Variants in DHRS12 observed in about 807,000 individuals in gnomAD.
DHRS12 encodes the protein dehydrogenase/reductase 12, also known as dehydrogenase/reductase SDR family member 12.
Under a neutral mutation model 32.1 loss-of-function variants are expected in DHRS12, and 29 were observed. The ratio of observed to expected loss-of-function variants is 0.90; its 90% CI spans 0.67 to 1.23. DHRS12 has a LOEUF of 1.23. Ranked by LOEUF, DHRS12 falls within the 50% of genes most tolerant of loss-of-function variation. The pLI is 0.00. For missense variants in DHRS12, 330 were observed against 337.2 expected (o/e 0.98, Z 0.17); for synonymous variants, 150 against 135.9 (o/e 1.10, Z -0.72).
intron 4 of DHRS12, among the ~76,000 whole-genome samples, chr13:51,787,723 CAT>C (rs1421888398): frequency 2.3e-4 from 29 of 128,646 alleles, no homozygotes; most frequent in East Asian, 1.1e-3. Context: ...TTATATAAAA[CAT>C]ATATACATAT....
chr13:51,783,161 A>G (rs1012931561), intron 4 of DHRS12, among the ~76,000 whole-genome samples: 3 of 152,138 alleles, frequency 2.0e-5, no homozygotes, highest in African/African-American at 7.2e-5. Context: ...GAGCTTGTCC[A>G]TTCTCTCTCC....
Position 51,791,187 on chromosome 13 carries a change from T to C in DHRS12, c.197A>G (p.Gln66Arg), listed in dbSNP as rs200561349. The change falls in exon 3 of 9, where the codon CAG becomes CGG. Residue 66 changes from glutamine to arginine, a missense_variant. Coordinates refer to ENST00000444610, the MANE Select transcript of DHRS12 (RefSeq NM_001377533.1). ...QIWKFVENFK[Q>R]EHKLHVLINN... is the part of the protein sequence containing the mutation. ...CACCAGAACATGGAGTTTATGTTCCTGCTTGAAATTTTCAACAAATTTCCA... is the reference window on the plus strand; with the variant it reads ...CACCAGAACATGGAGTTTATGTTCCCGCTTGAAATTTTCAACAAATTTCCA... 1.9e-4 allele frequency: 302 copies of C among 1,584,330 alleles called. 3 individuals are homozygous for C. The East Asian group carries it at 6.3e-3, about 33-fold the overall frequency.
chr13:51,792,408 CT>C (rs2139316252), intron 2 of DHRS12, among the ~76,000 whole-genome samples: 1 of 150,656 alleles, frequency 6.6e-6, no homozygotes, highest in South Asian at 2.1e-4. Context: ...TTTGTTTTTT[CT>C]TGAGAAAAAG....
At chr13:51,801,540 G>C (rs1458688699) in intron 1 of DHRS12, among the ~76,000 whole-genome samples, 1 of 152,128 alleles carries the variant, frequency 6.6e-6, no homozygotes, top group East Asian at 1.9e-4. Context: ...GTTCACACTT[G>C]AGCTCATTTG....
Position 51,771,825 on chromosome 13 carries a change from G to A in DHRS12, c.555C>T (p.Thr185=), listed in dbSNP as rs541093323. 1.1e-5 allele frequency: 18 copies of A among 1,614,104 alleles called. No individual in the cohort carries two copies. Among genetic ancestry groups the A allele is most frequent in the South Asian group, 5.5e-5 (5 of 91,082 alleles). ...CAATTAAAGGCTATGACATACCTGG[G>A]GTGTCGGCCCAGCCAGGATGCATGG... ...FSSMHPGWAD[T]PGVRQAMPGF... is the part of the protein sequence containing the mutation. Residue 185 remains threonine (T), a synonymous_variant, in exon 7 of 9, where the codon ACC becomes ACT. Transcript: ENST00000444610.
chr13:51,779,109 G>C (rs1193922784), intron 4 of DHRS12, among the ~76,000 whole-genome samples: 4 of 152,072 alleles, frequency 2.6e-5, no homozygotes, highest in African/African-American at 9.7e-5. Context: ...CAAGGAGAAG[G>C]AAGGTACCCA....
chr13:51,804,019 A>AGCCCGGG, intron 1 of DHRS12, 35 bp downstream of exon 1: 6 of 1,451,168 alleles, frequency 4.1e-6, no homozygotes, highest in Non-Finnish European at 5.4e-6. Context: ...GCCACGTGAC[A>AGCCCGGG]GCCCGGGGCC....
intron 2 of DHRS12, among the ~76,000 whole-genome samples, chr13:51,797,468 T>C (rs1325274709): frequency 1.3e-5 from 2 of 152,176 alleles, no homozygotes; most frequent in African/African-American, 4.8e-5. Flanking sequence ...ATCGGGTCAA[T>C]GCATGGCTCC....
rs746047641 is a variant in DHRS12, at chr13:51,802,218, C to CACACA, written c.-9+1835_-9+1836insTGTGT. ...ACACACACACACACACACACACACA[C>CACACA]GACTTTCCCAAGGTCACCAGAAGGT... On this transcript the variant is annotated intron_variant, in intron 1 of 8. Transcript: ENST00000444610. 4.7e-3 allele frequency among the ~76,000 whole-genome samples: 473 copies of CACACA among 99,736 alleles called. 2 individuals carry two copies. The highest frequency in any genetic ancestry group is 5.2e-3 in the Non-Finnish European group (265 of 51,308). 65.4% of individuals were successfully genotyped at this position (99,736 alleles called of 152,430 possible).
intron 4 of DHRS12, among the ~76,000 whole-genome samples, chr13:51,787,762 A>G: frequency 8.7e-6 from 1 of 114,444 alleles, no homozygotes; most frequent in Middle Eastern, 3.4e-3. Flanking sequence ...TTTATATATA[A>G]TTATATAAAT....
At position 51,768,941 on chromosome 13, in the gene DHRS12, G is replaced by T. The variant is rs74464264; in HGVS notation, c.697+215C>A. On this transcript the variant is annotated intron_variant, in intron 8 of 8. Transcript: ENST00000444610. ...GTTCTCACAGGACCTTGATGACAGG[G>T]TTATCACAAGTCTCCAAAGAAGCTA... The T allele has an allele frequency of 1.1e-3, 1,579 of 1,399,864 alleles. 8 individuals are homozygous for T. In the African/African-American group the frequency reaches 0.022, roughly 19 times the overall value. The allele number at this position is 1,399,864 out of a possible 1,614,324, so 86.7% of individuals were successfully genotyped here. A position where few individuals can be genotyped will look rare whatever the true frequency, so the allele number is the denominator to read the frequency against.
In DHRS12 at chr13:51,797,788, G is replaced by C. The variant is rs541996870; in HGVS notation, c.126+1746C>G. On this transcript the variant is annotated intron_variant, in intron 2 of 8. Coordinates refer to ENST00000444610, the MANE Select transcript of DHRS12 (RefSeq NM_001377533.1). ...AGCCTCCTCACAGCTGACCATGGAG[G>C]CAAGGAAACCCAGCAGGAGGGGTGA... The C allele has an allele frequency of 1.6e-5, 24 of 1,528,756 alleles. No homozygotes were observed. In the South Asian group the frequency reaches 2.7e-4, roughly 17 times the overall value. The allele number at this position is 1,528,756 out of a possible 1,614,324, so 94.7% of individuals were successfully genotyped here. A position where few individuals can be genotyped will look rare whatever the true frequency, so the allele number is the denominator to read the frequency against.
chr13:51,765,552 G>C (rs572925054), downstream of DHRS12: 1 of 152,224 alleles, frequency 6.6e-6, no homozygotes, highest in Non-Finnish European at 1.5e-5. Flanking sequence ...TTCCAATCCT[G>C]TGATTCTCTG....
chr13:51,791,283 AAAC>A, intron 2 of DHRS12, 26 bp from the exon 3 acceptor site: 2 of 1,377,030 alleles, frequency 1.5e-6, no homozygotes, highest in Non-Finnish European at 2.0e-6. Context: ...AAAAAAAAAA[AAAC>A]CCTTTTTAAA....
chr13:51,789,466 G>T, intron 4 of DHRS12: 1 of 849,322 alleles, frequency 1.2e-6, no homozygotes, highest in Non-Finnish European at 1.4e-6. Flanking sequence ...TCTGGGTGGG[G>T]AATCTAAGAA....
At chr13:51,798,666 TTAAA>T (rs1417776943) in intron 2 of DHRS12, among the ~76,000 whole-genome samples, 2 of 152,182 alleles carry the variant, frequency 1.3e-5, no homozygotes, top group African/African-American at 2.4e-5. Flanking sequence ...TGGCAGATAA[TTAAA>T]TAAAGCTTCA....
At chr13:51,797,827 T>C (rs747393733) in intron 2 of DHRS12, 16 of 1,534,978 alleles carry the variant, frequency 1.0e-5, no homozygotes, top group Middle Eastern at 1.9e-4. Context: ...GCTGCTCACC[T>C]GGTTACCGCT....
At chr13:51,763,148 G>A (rs1038291848), downstream of DHRS12, 6 of 152,182 alleles carry the variant, frequency 3.9e-5, no homozygotes, top group African/African-American at 1.4e-4. Flanking sequence ...GTAAACAAGA[G>A]AATCTAAAAG....
chr13:51,784,049 C>T (rs575522165), intron 4 of DHRS12, among the ~76,000 whole-genome samples: 50 of 152,302 alleles, frequency 3.3e-4, no homozygotes, highest in African/African-American at 1.2e-3. Context: ...GTATCATCAT[C>T]CCCATTTTAC....
Sources: gnomAD v4.1 joint callset for allele counts (sites outside exome capture counted in the v4.1 genomes callset) on GRCh38, gnomAD v4.1.1 for gene constraint, MANE v1.5 for transcripts, NCBI Gene and HGNC (gene_info 2026-07-23, HGNC 2026-07-21) for gene names.